The following PPFIA4 variants were observed in gnomAD, a reference collection of about 807,000 sequenced individuals.
The protein encoded by PPFIA4 is liprin-alpha-4.
A neutral mutation model predicts 145.7 loss-of-function variants in PPFIA4; 98 were observed. The observed-to-expected ratio is 0.67, with a 90% confidence interval of 0.57 to 0.80. The LOEUF (loss-of-function observed/expected upper bound fraction) is 0.80. Ranked by LOEUF, PPFIA4 falls within the 30% of genes least tolerant of loss-of-function variation. PPFIA4 has a pLI of 0.00. For synonymous variants in PPFIA4, 628 were observed against 649.6 expected (o/e 0.97, Z 0.51); for missense variants, 1,457 against 1,632.7 (o/e 0.89, Z 1.85).
At chr1:203,046,656 TTTTTC>T (rs933441704) in intron 9 of PPFIA4, 6 of 262,700 alleles carry the variant, frequency 2.3e-5, no homozygotes, top group Middle Eastern at 8.9e-4. Context: ...AGTGTTTTTC[TTTTTC>T]TTTTTTTTTT....
rs545738270 is a variant in PPFIA4 at position 203,056,045 on chromosome 1, C to T, written c.2071-75C>T. 55 of 1,489,002 alleles carry T rather than the reference C, an allele frequency of 3.7e-5. No homozygotes were observed. In the African/African-American group the frequency reaches 4.2e-4, roughly 11 times the overall value. The allele number at this position is 1,489,002 out of a possible 1,614,324, so 92.2% of individuals were successfully genotyped here. A position where few individuals can be genotyped will look rare whatever the true frequency, so the allele number is the denominator to read the frequency against. On this transcript the variant is annotated intron_variant, in intron 16 of 29. Transcript: ENST00000295706. ...GAATCCTATCTTCTCATCCTAAGAC[C>T]ACTGGGCTCCCCTGGGGTTGGCTCT... is the stretch of plus-strand genomic sequence containing the variant.
intron 2 of PPFIA4, among the ~76,000 whole-genome samples, chr1:203,042,660 G>A (rs1417948705): frequency 3.9e-5 from 6 of 152,042 alleles, no homozygotes; most frequent in South Asian, 2.1e-4. Flanking sequence ...TTTTCGAGAC[G>A]GAGGCTCACC....
Position 203,038,824 on chromosome 1 carries a change from C to T in PPFIA4, c.-185C>T. 2.0e-6 allele frequency: 1 copy of T among 509,332 alleles called. No homozygotes were observed. Among genetic ancestry groups the T allele is most frequent in the Non-Finnish European group, 3.5e-6 (1 of 287,908 alleles). The allele number at this position is 509,332 out of a possible 1,614,324, so 31.6% of individuals were successfully genotyped here. ...GCCTTCTGGCTCAGTTCCACAGGGG[C>T]ACTCCAGACCCCAGGCCCCTTTCAG... On this transcript the variant is annotated 5_prime_UTR_variant, in exon 2 of 30. Coordinates refer to ENST00000295706, the MANE Select transcript of PPFIA4 (RefSeq NM_001304331.2).
intron 4 of PPFIA4, 116 bp from the exon 5 acceptor site, chr1:203,044,263 C>A: frequency 8.5e-7 from 1 of 1,175,444 alleles, no homozygotes; most frequent in Non-Finnish European, 1.2e-6. Context: ...AAATGTGCTG[C>A]TTAGTAGGCC....
At chr1:203,028,051 C>T (rs531495108) in intron 1 of PPFIA4, among the ~76,000 whole-genome samples, 1 of 152,126 alleles carries the variant, frequency 6.6e-6, no homozygotes, top group Non-Finnish European at 1.5e-5. Context: ...GTGGGGTAAA[C>T]GGTATCTCAA....
Position 203,045,479 on chromosome 1 carries a change from G to C in PPFIA4, c.778G>C (p.Glu260Gln), listed in dbSNP as rs1178146002. 2 of 1,609,144 alleles carry C rather than the reference G, an allele frequency of 1.2e-6. No homozygotes were observed. The highest frequency in any genetic ancestry group is 1.7e-6 in the Non-Finnish European group (2 of 1,178,418). ...VTLTTTVTEL[E>Q]EDLGTARRDL... ...CCTAACAACAACCGTGACTGAACTC[G>C]AGGAGGACCTGGGCACGGCCCGCCG... Residue 260 changes from glutamate (E) to glutamine (Q), a missense_variant, in exon 7 of 30, where the codon GAG becomes CAG. By Grantham distance (29) the Glu-to-Gln change is conservative. Transcript: ENST00000295706.
intron 1 of PPFIA4, among the ~76,000 whole-genome samples, chr1:203,034,064 G>A (rs1659037154): frequency 6.6e-6 from 1 of 152,172 alleles, no homozygotes; most frequent in Non-Finnish European, 1.5e-5. Context: ...CAGATGAGAT[G>A]ATGTAAAGTA....
At position 203,043,413 on chromosome 1, in the gene PPFIA4, C is replaced by G; in HGVS notation, c.251C>G (p.Thr84Ser). 2.5e-6 allele frequency: 4 copies of G among 1,610,806 alleles called. No individual in the cohort carries two copies. Among genetic ancestry groups the G allele is most frequent in the Non-Finnish European group, 3.4e-6 (4 of 1,179,000 alleles). The change falls in exon 3 of 30, where the codon ACC (threonine) becomes AGC (serine). Residue 84 changes from threonine to serine, a missense_variant. Thr to Ser is a moderately conservative substitution (Grantham distance 58). Around this residue, in one of 3 missense-constraint regions of PPFIA4, gnomAD observed 463 missense variants for 459.8 expected, o/e 1.01. Transcript: ENST00000295706. The surrounding 1 kb of genome is among the most constrained non-coding windows in gnomAD (Gnocchi z 4.4). Reference sequence around the variant, plus strand: ...GGTTTTCAGGAATTTGCCACCTTAACCCGGGAGCTGAGCATGTGTCGGGAG... The same window carrying G: ...GGTTTTCAGGAATTTGCCACCTTAAGCCGGGAGCTGAGCATGTGTCGGGAG... ...SALPQEFATL[T>S]RELSMCREQL...
intron 20 of PPFIA4, among the ~76,000 whole-genome samples, 187 bp from the exon 21 acceptor site, chr1:203,059,583 C>G (rs4590732): frequency 0.53 from 80,336 of 151,966 alleles, 21,420 homozygotes; most frequent in Middle Eastern, 0.56. Flanking sequence ...TTGGGGTGGT[C>G]AGGTGTTCCT....
intron 14 of PPFIA4, among the ~76,000 whole-genome samples, 176 bp downstream of exon 14, chr1:203,052,053 C>CCCG (rs1553257083): frequency 6.9e-6 from 1 of 145,704 alleles, no homozygotes; most frequent in Non-Finnish European, 1.5e-5. Context: ...GTGCCCCCCC[C>CCCG]CCCGCTTGCC....
intron 28 of PPFIA4, among the ~76,000 whole-genome samples, chr1:203,074,882 A>G (rs1662412623): frequency 6.6e-6 from 1 of 152,088 alleles, no homozygotes. Flanking sequence ...GCTGCCTGCC[A>G]TGTCCTTTGG....
chr1:203,061,403 C>T (rs1661343104), intron 23 of PPFIA4: 1 of 518,102 alleles, frequency 1.9e-6, no homozygotes, highest in South Asian at 2.7e-5. Flanking sequence ...AGCTGGGCAT[C>T]TTGCCTGGCT....
intron 18 of PPFIA4, 27 bp downstream of exon 18, chr1:203,056,535 T>C (rs1245871066): frequency 1.2e-6 from 2 of 1,608,192 alleles, no homozygotes; most frequent in Non-Finnish European, 1.7e-6. Context: ...CCACCTCCAG[T>C]CTCTCCATCC....
chr1:203,046,092 A>G (rs1660064502), intron 8 of PPFIA4, 105 bp downstream of exon 8: 5 of 1,559,152 alleles, frequency 3.2e-6, no homozygotes, highest in Non-Finnish European at 4.4e-6. Context: ...CCTGCAGGTC[A>G]CCCTTTGAAA....
rs1431335636 is a variant in PPFIA4, at chr1:203,046,239, C to T, written c.1006-9C>T. The T allele has an allele frequency of 1.3e-6, 2 of 1,584,618 alleles. No homozygotes were observed. Among genetic ancestry groups the T allele is most frequent in the Non-Finnish European group, 1.7e-6 (2 of 1,166,122 alleles). On this transcript the variant is annotated splice_polypyrimidine_tract_variant and intron_variant, in intron 8 of 29. Coordinates refer to ENST00000295706, the MANE Select transcript of PPFIA4 (RefSeq NM_001304331.2). ...CTTTTGAATCACTTCACCACCCCCA[C>T]ATTGCTAGTGTGAGGAGAAGGCCCG...
At chr1:203,067,515 A>G in intron 25 of PPFIA4, 180 bp from the exon 26 acceptor site, 1 of 599,040 alleles carries the variant, frequency 1.7e-6, no homozygotes, top group Non-Finnish European at 3.0e-6. Flanking sequence ...AGAGAAAGGG[A>G]GTAACCTCGG....
At chr1:203,032,929 A>G (rs1407164138) in intron 1 of PPFIA4, among the ~76,000 whole-genome samples, 1 of 152,154 alleles carries the variant, frequency 6.6e-6, no homozygotes, top group African/African-American at 2.4e-5. Flanking sequence ...GTGATAGGCC[A>G]TGTCTTGGGA....
rs889130450 is a variant in PPFIA4 at position 203,078,673 on chromosome 1, G to A, written c.*2283G>A. 1.3e-5 allele frequency: 2 copies of A among 151,962 alleles called. No individual in the cohort carries two copies. The highest frequency in any genetic ancestry group is 2.9e-5 in the Non-Finnish European group (2 of 67,998). 9.4% of individuals were successfully genotyped at this position (151,962 alleles called of 1,614,324 possible). A position where few individuals can be genotyped will look rare whatever the true frequency, so the allele number is the denominator to read the frequency against. The stretch of plus-strand genomic sequence containing the variant: ...GCATCAGGAATGGGTGTATGGGTGT[G>A]TGTGGGTGGGTGTGAGTGTGGGTGT... On this transcript the variant is annotated 3_prime_UTR_variant, in exon 30 of 30. Coordinates refer to ENST00000295706, the MANE Select transcript of PPFIA4 (RefSeq NM_001304331.2).
intron 1 of PPFIA4, among the ~76,000 whole-genome samples, chr1:203,032,425 G>GC: frequency 5.2e-5 from 2 of 38,252 alleles, no homozygotes; most frequent in African/African-American, 1.6e-4. Flanking sequence ...TCCCTTCCCC[G>GC]CTTTTTTGTT....
Sources: allele counts gnomAD v4.1 joint callset (sites outside exome capture counted in the v4.1 genomes callset), GRCh38; gene constraint gnomAD v4.1.1; regional missense constraint gnomAD v4.1.1; non-coding constraint Gnocchi (gnomAD v3.1); transcripts MANE v1.5; gene names NCBI Gene and HGNC (gene_info 2026-07-23, HGNC 2026-07-21).